DLGAP2: variants seen among roughly 807,000 people sequenced by gnomAD.
DLGAP2 encodes DLG associated protein 2.
DLGAP2 carries 26 observed loss-of-function variants against 100.3 expected under a neutral mutation model. That is an observed-to-expected ratio of 0.26 (90% CI 0.19 to 0.36). The LOEUF (loss-of-function observed/expected upper bound fraction) is 0.36, where lower values mean the gene tolerates loss of function less well. DLGAP2 is among the 10% of genes least tolerant of loss of function. The pLI is 1.00. For synonymous variants in DLGAP2, 886 were observed against 630.1 expected (o/e 1.41, Z -6.08); for missense variants, 1,858 against 1,453.2 (o/e 1.28, Z -4.53).
Position 1,352,720 on chromosome 8 carries a change from A to G in DLGAP2, c.106+93837A>G, listed in dbSNP as rs143586394. ...ACATGACTTCTCTGCCCTGAGTTTT[A>G]CAGCTCGCTGTGCCCTGCAAATGCA... On this transcript the variant is annotated intron_variant, in intron 3 of 14. Coordinates refer to ENST00000637795, the MANE Select transcript of DLGAP2 (RefSeq NM_001346810.2). 5.3e-5 allele frequency among the ~76,000 whole-genome samples: 8 copies of G among 152,164 alleles called. No homozygotes were observed. The East Asian group carries it at 1.5e-3, about 29-fold the overall frequency.
At chr8:1,568,744 T>C (rs1584936971) in intron 6 of DLGAP2, among the ~76,000 whole-genome samples, 1 of 125,580 alleles carries the variant, frequency 8.0e-6, no homozygotes, top group Non-Finnish European at 1.6e-5. Flanking sequence ...GCTCTGCCCG[T>C]GGCCCCCATG....
intron 2 of DLGAP2, among the ~76,000 whole-genome samples, chr8:933,333 C>T (rs923413222): frequency 6.6e-6 from 1 of 151,680 alleles, no homozygotes; most frequent in Non-Finnish European, 1.5e-5. Flanking sequence ...CTGCTGTGGA[C>T]ACCTGGCTGT....
At chr8:1,373,112 G>T (rs888124571) in intron 3 of DLGAP2, among the ~76,000 whole-genome samples, 1 of 152,176 alleles carries the variant, frequency 6.6e-6, no homozygotes, top group East Asian at 1.9e-4. Context: ...TCCGTGCCTG[G>T]GGGGGCGCCA....
intron 7 of DLGAP2, among the ~76,000 whole-genome samples, chr8:1,629,674 G>A (rs1797594742): frequency 6.6e-6 from 1 of 152,170 alleles, no homozygotes; most frequent in Non-Finnish European, 1.5e-5. Context: ...ATATAACCTA[G>A]TTTACCAAAA....
At chr8:1,060,205 G>A (rs1803034496) in intron 2 of DLGAP2, among the ~76,000 whole-genome samples, 1 of 152,174 alleles carries the variant, frequency 6.6e-6, no homozygotes, top group African/African-American at 2.4e-5. Flanking sequence ...CACAGACTGG[G>A]TGGCTGAAGG....
intron 3 of DLGAP2, among the ~76,000 whole-genome samples, chr8:1,479,673 A>G (rs1332357596): frequency 2.6e-5 from 4 of 151,982 alleles, no homozygotes; most frequent in African/African-American, 7.3e-5. Context: ...TATCATTCCT[A>G]TTATGCAAAG....
intron 3 of DLGAP2, among the ~76,000 whole-genome samples, chr8:1,370,991 G>C (rs533017453): frequency 2.6e-5 from 4 of 152,370 alleles, no homozygotes; most frequent in African/African-American, 9.6e-5. Context: ...ACCATGGATA[G>C]TAAGTAGTTT....
intron 1 of DLGAP2, among the ~76,000 whole-genome samples, chr8:859,265 C>G (rs749776950): frequency 6.6e-6 from 1 of 152,070 alleles, no homozygotes; most frequent in Non-Finnish European, 1.5e-5. Context: ...GCGCACGCCA[C>G]GAAGCCTGGC....
At chr8:1,696,086 G>C (rs965332228) in intron 13 of DLGAP2, among the ~76,000 whole-genome samples, 21 of 152,246 alleles carry the variant, frequency 1.4e-4, no homozygotes, top group Non-Finnish European at 2.9e-5. Flanking sequence ...AGCATGCTGA[G>C]TGTGCACTGC....
intron 2 of DLGAP2, among the ~76,000 whole-genome samples, chr8:1,210,961 C>T (rs1287453021): frequency 6.6e-6 from 1 of 152,312 alleles, no homozygotes; most frequent in South Asian, 2.1e-4. Context: ...GGTTCAAGGA[C>T]AGATCCTCCC....
chr8:1,036,931 C>T (rs1802142895), intron 2 of DLGAP2, among the ~76,000 whole-genome samples: 2 of 151,926 alleles, frequency 1.3e-5, no homozygotes, highest in South Asian at 4.2e-4. Flanking sequence ...CCTCCCGGCA[C>T]AGTTCCTAAA....
At chr8:946,415 C>A (rs1196493786) in intron 2 of DLGAP2, among the ~76,000 whole-genome samples, 2 of 152,166 alleles carry the variant, frequency 1.3e-5, no homozygotes, top group East Asian at 3.9e-4. Context: ...AGGCGCCCGC[C>A]ACCACGCCCG....
intron 2 of DLGAP2, among the ~76,000 whole-genome samples, chr8:922,410 T>C (rs931697879): frequency 1.4e-4 from 21 of 152,280 alleles, no homozygotes; most frequent in African/African-American, 4.3e-4. Context: ...AGTTTTAATA[T>C]TTGCCCCCAA....
At chr8:1,306,260 A>G (rs1800488725) in intron 3 of DLGAP2, among the ~76,000 whole-genome samples, 1 of 152,204 alleles carries the variant, frequency 6.6e-6, no homozygotes, top group Non-Finnish European at 1.5e-5. Flanking sequence ...ATACAAAATT[A>G]ACACACAAAA....
chr8:1,452,365 A>G (rs1798187111), intron 3 of DLGAP2, among the ~76,000 whole-genome samples: 1 of 152,264 alleles, frequency 6.6e-6, no homozygotes, highest in Admixed American at 6.5e-5. Flanking sequence ...AACAGCACCA[A>G]ACATCAGCCC....
intron 12 of DLGAP2, among the ~76,000 whole-genome samples, chr8:1,681,286 C>G (rs951930736): frequency 6.6e-6 from 1 of 151,906 alleles, no homozygotes; most frequent in Non-Finnish European, 1.5e-5. Flanking sequence ...TGCATACTTT[C>G]AATTTCATTT....
intron 3 of DLGAP2, among the ~76,000 whole-genome samples, chr8:1,495,213 C>T (rs929605392): frequency 7.9e-5 from 12 of 152,142 alleles, no homozygotes; most frequent in Admixed American, 2.6e-4. Context: ...GTGTGGTGGC[C>T]GTGCTGGGTC....
rs1182313459 is a variant in DLGAP2, at chr8:1,669,723, G to A, written c.2161-20G>A. 1.3e-6 allele frequency: 1 copy of A among 780,882 alleles called. No homozygotes were observed. Among genetic ancestry groups the A allele is most frequent in the Non-Finnish European group, 2.4e-6 (1 of 417,978 alleles). 48.4% of individuals were successfully genotyped at this position (780,882 alleles called of 1,614,324 possible). A position where few individuals can be genotyped will look rare whatever the true frequency, so the allele number is the denominator to read the frequency against. On this transcript the variant is annotated intron_variant, in intron 9 of 14. Transcript: ENST00000637795. ...CCTCCGAACCAGGTCTCCACACTGTGGCTTCATTGTTTTGTTTAGGATTCT... is the reference window on the plus strand; with the variant it reads ...CCTCCGAACCAGGTCTCCACACTGTAGCTTCATTGTTTTGTTTAGGATTCT...
At chr8:1,329,460 C>G (rs558582130) in intron 3 of DLGAP2, among the ~76,000 whole-genome samples, 2 of 152,266 alleles carry the variant, frequency 1.3e-5, no homozygotes, top group Non-Finnish European at 2.9e-5. Context: ...TTTATGATTT[C>G]TGAAATTTTT....
Sources: allele counts gnomAD v4.1 joint callset (sites outside exome capture counted in the v4.1 genomes callset), GRCh38; gene constraint gnomAD v4.1.1; transcripts MANE v1.5; gene names NCBI Gene and HGNC (gene_info 2026-07-23, HGNC 2026-07-21).